WDR81: variants seen among roughly 807,000 people sequenced by gnomAD.
The protein encoded by WDR81 is WD repeat-containing protein 81.
In WDR81, 92 loss-of-function variants were observed where a neutral mutation model predicts 140.8. That is an observed-to-expected ratio of 0.65 (90% CI 0.55 to 0.78). The LOEUF (loss-of-function observed/expected upper bound fraction) is 0.78. WDR81 is among the 30% of genes least tolerant of loss of function. The pLI, the probability that WDR81 is intolerant of heterozygous loss-of-function variation, is 0.00. For missense variants in WDR81, 2,502 were observed against 2,636.4 expected, an observed-to-expected ratio of 0.95 and a Z score of 1.12; for synonymous variants, 1,183 against 1,156.4, an observed-to-expected ratio of 1.02 and a Z score of -0.47.
chr17:1,718,336 T>C (rs765877030), intron 1 of WDR81, among the ~76,000 whole-genome samples: 3 of 152,216 alleles, frequency 2.0e-5, no homozygotes, highest in Non-Finnish European at 2.9e-5. Context: ...CAGGCTGGTC[T>C]CGAACTCCTC....
chr17:1,738,320 CGTT>C lies in WDR81; in HGVS notation c.*638_*640del, dbSNP rs1319649694. On this transcript the variant is annotated 3_prime_UTR_variant, in exon 10 of 10. Transcript: ENST00000409644. ...GGCGCCTGCCAGGAGTGAGTCCATG[CGTT>C]GTCTGCCCACCCCTACCACAGTGTT... The C allele has an allele frequency of 6.4e-6, 1 of 155,886 alleles. No homozygotes were observed. The highest frequency in any genetic ancestry group is 1.4e-5 in the Non-Finnish European group (1 of 70,420). 9.7% of individuals were successfully genotyped at this position (155,886 alleles called of 1,614,324 possible).
rs1196126883 is a variant in WDR81 at position 1,725,849 on chromosome 17, G to A, written c.890G>A (p.Ser297Asn). ...ATCGCAGTGGATGAGAAGCTTTGCA[G>A]CGAGCTGCGACTGGACCTGAGTGCT... Reference protein sequence around the residue: ...YHIAVDEKLCSELRLDLSAYE... With the variant: ...YHIAVDEKLCNELRLDLSAYE... Residue 297 changes from serine (S) to asparagine (N), a missense_variant, in exon 1 of 10, where the codon AGC (serine) becomes AAC (asparagine). Physicochemically the swap from Ser to Asn is conservative, Grantham distance 46 (BLOSUM62 1). Around this residue, in one of 3 missense-constraint regions of WDR81, gnomAD observed 547 missense variants for 513.8 expected, o/e 1.06. Coordinates refer to ENST00000409644, the MANE Select transcript of WDR81 (RefSeq NM_001163809.2). 6.4e-7 allele frequency: 1 copy of A among 1,550,700 alleles called. No homozygotes were observed. The highest frequency in any genetic ancestry group is 1.2e-5 in the South Asian group (1 of 84,064).
upstream of WDR81, chr17:1,724,508 A>T: frequency 1.0e-6 from 1 of 985,774 alleles, no homozygotes. Flanking sequence ...GGCGGTAGGC[A>T]TCGCCCTCCG....
At chr17:1,723,006 C>T, upstream of WDR81, among the ~76,000 whole-genome samples, 1 of 152,018 alleles carries the variant, frequency 6.6e-6, no homozygotes, top group Non-Finnish European at 1.5e-5. Context: ...GCCTAGTTTT[C>T]CTAAGTGTCT....
chr17:1,736,272 C>T, intron 9 of WDR81, 54 bp downstream of exon 9: 1 of 1,557,680 alleles, frequency 6.4e-7, no homozygotes, highest in Non-Finnish European at 8.6e-7. Context: ...CCTGTCCAGC[C>T]ATCACCCCTG....
intron 1 of WDR81, among the ~76,000 whole-genome samples, 187 bp downstream of exon 1, chr17:1,728,813 C>T (rs1470387480): frequency 6.6e-6 from 1 of 151,928 alleles, no homozygotes; most frequent in Non-Finnish European, 1.5e-5. Flanking sequence ...AATAGCCGGG[C>T]GTGGGGGCAG....
At chr17:1,724,703 C>G (rs1310704083), upstream of WDR81, 5 of 1,082,868 alleles carry the variant, frequency 4.6e-6, no homozygotes, top group Non-Finnish European at 5.6e-6. Flanking sequence ...TGACCCGCGT[C>G]AGCTGACCCG....
At chr17:1,728,686 G>C (rs1915474580) in intron 1 of WDR81, 60 bp downstream of exon 1, 1 of 1,432,686 alleles carries the variant, frequency 7.0e-7, no homozygotes, top group African/African-American at 1.4e-5. Flanking sequence ...CGAGCACAGT[G>C]GTTCACGCCT....
Position 1,727,803 on chromosome 17 carries a change from T to G in WDR81, c.2844T>G (p.Pro948=). The G allele has an allele frequency of 1.3e-6, 2 of 1,550,682 alleles. No individual in the cohort carries two copies. The highest frequency in any genetic ancestry group is 1.7e-6 in the Non-Finnish European group (2 of 1,147,012). ...AVYTAWYLFE[P]VAKALGPKNA... is the part of the protein sequence containing the mutation. ...ACACGGCCTGGTATCTGTTTGAGCC[T>G]GTTGCCAAGGCACTGGGCCCCAAAA... The change falls in exon 1 of 10, where the codon CCT becomes CCG. Residue 948 remains proline, a synonymous_variant. Transcript: ENST00000409644.
At chr17:1,730,179 C>T (rs544683505) in intron 1 of WDR81, among the ~76,000 whole-genome samples, 2 of 152,212 alleles carry the variant, frequency 1.3e-5, no homozygotes, top group South Asian at 2.1e-4. Context: ...GAGGAACCTG[C>T]GGCAGCCAGA....
upstream of WDR81, among the ~76,000 whole-genome samples, chr17:1,722,509 G>A (rs576394387): frequency 4.5e-3 from 678 of 151,396 alleles, 3 homozygotes; most frequent in Middle Eastern, 0.01. Flanking sequence ...ACCACACCTG[G>A]CTAATTTTTG....
rs1904947530 is a variant in WDR81, at chr17:1,737,214, A to G, written c.5506-151A>G. On this transcript the variant is annotated intron_variant, in intron 9 of 9. Transcript: ENST00000409644. ...CGTATTAAAATGAACCAACGTGAAT[A>G]TGGTGTGTGTGGGAGGGTGGCGGCT... The G allele has an allele frequency of 3.6e-5, 24 of 666,294 alleles. No homozygotes were observed. The South Asian group carries it at 4.7e-4, about 13-fold the overall frequency. The allele number at this position is 666,294 out of a possible 1,614,324, so 41.3% of individuals were successfully genotyped here.
rs1253889852 is a variant in WDR81, at chr17:1,725,966, C to T, written c.1007C>T (p.Pro336Leu). Reference sequence around the variant, plus strand: ...TCTCAAGAGGAGCAGGGAGGGCAACCTGGGCAACCCACTGGCCAGGAGGAA... The same window carrying T: ...TCTCAAGAGGAGCAGGGAGGGCAACTTGGGCAACCCACTGGCCAGGAGGAA... The part of the protein sequence containing the change: ...IVSQEEQGGQ[P>L]GQPTGQEELR... The change falls in exon 1 of 10, where the codon CCT (proline) becomes CTT (leucine). Residue 336 changes from proline (P) to leucine (L), a missense_variant. By Grantham distance (98) the Pro-to-Leu change is moderately conservative (BLOSUM62 -3). This residue lies in a region of WDR81 where 547 missense variants were observed against 513.8 expected (regional missense o/e 1.06). Coordinates refer to ENST00000409644, the MANE Select transcript of WDR81 (RefSeq NM_001163809.2). 6.4e-7 allele frequency: 1 copy of T among 1,550,524 alleles called. No individual in the cohort carries two copies. The highest frequency in any genetic ancestry group is 8.7e-7 in the Non-Finnish European group (1 of 1,146,846).
chr17:1,724,863 C>T lies in WDR81; in HGVS notation c.-97C>T. 8.0e-7 allele frequency: 1 copy of T among 1,245,168 alleles called. No individual in the cohort carries two copies. The highest frequency in any genetic ancestry group is 1.0e-6 in the Non-Finnish European group (1 of 995,812). 77.1% of individuals were successfully genotyped at this position (1,245,168 alleles called of 1,614,324 possible). On this transcript the variant is annotated 5_prime_UTR_variant, in exon 1 of 10. Transcript: ENST00000409644. Reference sequence around the variant, plus strand: ...CCTCCGCCCCAGCCCCTGTCCCGCGCCCATCCCAGCCCCGCCGGCCTGGCA... The same window carrying T: ...CCTCCGCCCCAGCCCCTGTCCCGCGTCCATCCCAGCCCCGCCGGCCTGGCA...
Position 1,733,820 on chromosome 17 carries a change from A to G in WDR81, c.4783A>G (p.Ser1595Gly), listed in dbSNP as rs765928103. The G allele has an allele frequency of 3.7e-6, 6 of 1,612,190 alleles. No individual in the cohort carries two copies. The highest frequency in any genetic ancestry group is 1.3e-5 in the African/African-American group (1 of 74,934). ...ISGVGGGGLG[S>G]GSDDNALKQE... ...GGGGGTGGGTGGCGGGGGCCTGGGC[A>G]GCGGGAGCGACGACAACGCCCTGAA... is the stretch of plus-strand genomic sequence containing the variant. Residue 1595 changes from serine (S) to glycine (G), a missense_variant, in exon 7 of 10, where the codon AGC becomes GGC. By Grantham distance (56) the Ser-to-Gly change is moderately conservative. Transcript: ENST00000409644.
At chr17:1,736,254 C>G (rs539507598) in intron 9 of WDR81, 36 bp downstream of exon 9, 1 of 1,577,090 alleles carries the variant, frequency 6.3e-7, no homozygotes, top group South Asian at 1.1e-5. Context: ...TGCTGCCCAA[C>G]CCCCGCCCCT....
At chr17:1,737,283 G>A (rs969123041) in intron 9 of WDR81, 82 bp from the exon 10 acceptor site, 63 of 1,385,670 alleles carry the variant, frequency 4.5e-5, no homozygotes, top group Non-Finnish European at 5.7e-5. Context: ...GAGAAACTGC[G>A]GAGGGAACTG....
chr17:1,730,593 C>A, intron 2 of WDR81, 106 bp downstream of exon 2: 1 of 1,397,570 alleles, frequency 7.2e-7, no homozygotes, highest in Non-Finnish European at 9.7e-7. Context: ...CCTCAAACCA[C>A]CCCCCGGCCA....
chr17:1,725,976 C>T lies in WDR81; in HGVS notation c.1017C>T (p.Pro339=). The stretch of plus-strand genomic sequence containing the variant: ...AGCAGGGAGGGCAACCTGGGCAACC[C>T]ACTGGCCAGGAGGAACTTCGGAGCC... ...QEEQGGQPGQ[P]TGQEELRSLV... The change falls in exon 1 of 10, where the codon CCC becomes CCT. Residue 339 remains proline (P), a synonymous_variant. Transcript: ENST00000409644. 1.3e-6 allele frequency: 2 copies of T among 1,550,232 alleles called. No homozygotes were observed. The highest frequency in any genetic ancestry group is 1.7e-6 in the Non-Finnish European group (2 of 1,146,660).
Sources: gnomAD v4.1 joint callset for allele counts (sites outside exome capture counted in the v4.1 genomes callset) on GRCh38, gnomAD v4.1.1 for gene constraint, gnomAD v4.1.1 regional missense constraint, MANE v1.5 for transcripts, NCBI Gene and HGNC (gene_info 2026-07-23, HGNC 2026-07-21) for gene names.